EXOC4: variants seen among roughly 807,000 people sequenced by gnomAD.
EXOC4 encodes the protein exocyst complex component 4, also known as SEC8-like 1.
EXOC4 carries 71 observed loss-of-function variants against 107.2 expected under a neutral mutation model. The ratio of observed to expected loss-of-function variants is 0.66; its 90% CI spans 0.55 to 0.81. The LOEUF is 0.81. Ranked by LOEUF, EXOC4 falls within the 30% of genes least tolerant of loss-of-function variation. The probability of loss-of-function intolerance (pLI) is 0.00; values close to 1 mark genes in which losing one functional copy is unlikely to be tolerated. For synonymous variants in EXOC4, 456 were observed against 441.2 expected, an observed-to-expected ratio of 1.03 and a Z score of -0.42; for missense variants, 1,108 against 1,189.6, an observed-to-expected ratio of 0.93 and a Z score of 1.01.
intron 17 of EXOC4, chr7:134,010,399 A>G (rs1225022914): frequency 6.6e-6 from 1 of 152,080 alleles, no homozygotes; most frequent in Non-Finnish European, 1.5e-5. Context: ...TTCTTTGTAA[A>G]ACAGAAACCA....
intron 9 of EXOC4, among the ~76,000 whole-genome samples, chr7:133,524,762 T>G (rs1800048630): frequency 6.6e-6 from 1 of 152,192 alleles, no homozygotes; most frequent in South Asian, 2.1e-4. Context: ...ATATGTGGTG[T>G]TATTTCTGAG....
chr7:133,672,389 T>TAA (rs764420077), intron 10 of EXOC4, among the ~76,000 whole-genome samples: 229 of 130,122 alleles, frequency 1.8e-3, no homozygotes, highest in African/African-American at 6.2e-3. Context: ...AGACTCCGTT[T>TAA]AAAAAAAAAA....
At chr7:133,600,304 G>C (rs944180069) in intron 9 of EXOC4, among the ~76,000 whole-genome samples, 1 of 152,046 alleles carries the variant, frequency 6.6e-6, no homozygotes, top group Non-Finnish European at 1.5e-5. Flanking sequence ...TCACCTTTTG[G>C]TATCTTGGTT....
chr7:133,657,351 G>A (rs912927817), intron 10 of EXOC4, among the ~76,000 whole-genome samples: 4 of 151,966 alleles, frequency 2.6e-5, no homozygotes, highest in African/African-American at 7.2e-5. Context: ...TTTTAGCATG[G>A]ATGTTAAACA....
chr7:133,650,592 A>G (rs1226045447), intron 10 of EXOC4, among the ~76,000 whole-genome samples: 1 of 152,156 alleles, frequency 6.6e-6, no homozygotes, highest in Non-Finnish European at 1.5e-5. Flanking sequence ...TGCCACTTCA[A>G]ACTAATGGAG....
chr7:133,751,540 G>C (rs563391943), intron 10 of EXOC4, among the ~76,000 whole-genome samples: 1 of 152,116 alleles, frequency 6.6e-6, no homozygotes, highest in Non-Finnish European at 1.5e-5. Flanking sequence ...TGGTTTTCAT[G>C]GACTGAATTG....
intron 10 of EXOC4, among the ~76,000 whole-genome samples, chr7:133,790,748 A>G (rs1796685198): frequency 6.6e-6 from 1 of 152,236 alleles, no homozygotes; most frequent in Non-Finnish European, 1.5e-5. Flanking sequence ...TTCCAGATTG[A>G]GATTTGCAGG....
chr7:133,807,769 G>T (rs1429554778), intron 10 of EXOC4, among the ~76,000 whole-genome samples: 2 of 152,040 alleles, frequency 1.3e-5, no homozygotes, highest in African/African-American at 4.8e-5. Flanking sequence ...TGATATGAAG[G>T]GTTAGAGTTT....
chr7:133,287,063 T>A (rs1390682375), intron 2 of EXOC4, among the ~76,000 whole-genome samples: 3 of 152,118 alleles, frequency 2.0e-5, no homozygotes, highest in African/African-American at 7.2e-5. Flanking sequence ...CAGGCTAAGG[T>A]TTTCAGATTT....
At chr7:133,854,408 G>GCGCACACACACACA (rs149648016) in intron 11 of EXOC4, among the ~76,000 whole-genome samples, 2 of 139,470 alleles carry the variant, frequency 1.4e-5, no homozygotes, top group African/African-American at 5.4e-5. Flanking sequence ...TGTTGAAAGA[G>GCGCACACACACACA]CACACACACA....
intron 5 of EXOC4, among the ~76,000 whole-genome samples, chr7:133,330,896 C>T (rs555524056): frequency 2.6e-5 from 4 of 151,620 alleles, no homozygotes; most frequent in Middle Eastern, 3.4e-3. Context: ...TGTTCCTATT[C>T]GGCCATCTTG....
intron 12 of EXOC4, 22 bp downstream of exon 12, chr7:133,895,757 A>T (rs200016463): frequency 7.3e-4 from 1,174 of 1,602,892 alleles, no homozygotes; most frequent in Admixed American, 9.3e-4. Flanking sequence ...GTTAGGGGCT[A>T]AGCAAAGTAA....
chr7:133,635,780 C>T (rs1271835242), intron 10 of EXOC4, among the ~76,000 whole-genome samples: 2 of 152,190 alleles, frequency 1.3e-5, no homozygotes, highest in Non-Finnish European at 2.9e-5. Flanking sequence ...AGGAAACCTT[C>T]CGAGTCCTCA....
At chr7:133,756,472 C>T (rs1795920053) in intron 10 of EXOC4, among the ~76,000 whole-genome samples, 1 of 152,178 alleles carries the variant, frequency 6.6e-6, no homozygotes, top group African/African-American at 2.4e-5. Flanking sequence ...TGTAACTAGT[C>T]TGTGACTCTA....
chr7:134,050,152 A>G (rs984162556), intron 17 of EXOC4, among the ~76,000 whole-genome samples: 1 of 152,220 alleles, frequency 6.6e-6, no homozygotes, highest in East Asian at 1.9e-4. Flanking sequence ...TATAAAATAT[A>G]TTTGGAAGGA....
At chr7:133,853,361 C>G (rs1235198644) in intron 11 of EXOC4, among the ~76,000 whole-genome samples, 1 of 112,168 alleles carries the variant, frequency 8.9e-6, no homozygotes, top group South Asian at 2.6e-4. Context: ...CACACACACA[C>G]ACACACACAC....
chr7:133,938,673 G>A (rs571591546), intron 14 of EXOC4, among the ~76,000 whole-genome samples: 44 of 152,186 alleles, frequency 2.9e-4, no homozygotes, highest in Middle Eastern at 3.4e-3. Flanking sequence ...AAAATAATTT[G>A]AAAACTTTAG....
chr7:133,576,315 G>A, intron 9 of EXOC4: 1 of 399,244 alleles, frequency 2.5e-6, no homozygotes, highest in Non-Finnish European at 4.4e-6. Flanking sequence ...ATAATATTAG[G>A]ATCTGTGTTG....
At chr7:133,413,700 C>T (rs768092325) in intron 7 of EXOC4, among the ~76,000 whole-genome samples, 29 of 152,092 alleles carry the variant, frequency 1.9e-4, no homozygotes, top group Non-Finnish European at 3.8e-4. Context: ...AATAGGAGAT[C>T]ATTCATATTT....
Sources: gnomAD v4.1 joint callset for allele counts (sites outside exome capture counted in the v4.1 genomes callset) on GRCh38, gnomAD v4.1.1 for gene constraint, MANE v1.5 for transcripts, NCBI Gene and HGNC (gene_info 2026-07-23, HGNC 2026-07-21) for gene names.